RGS7: variants seen among roughly 807,000 people sequenced by gnomAD.
The protein encoded by RGS7 is regulator of G-protein signaling 7.
Under a neutral mutation model 81.1 loss-of-function variants are expected in RGS7, and 27 were observed. The observed-to-expected ratio is 0.33, with a 90% CI of 0.25 to 0.46. RGS7 has a LOEUF of 0.46. Ranked by LOEUF, RGS7 falls within the 20% of genes least tolerant of loss-of-function variation. The pLI, the probability that RGS7 is intolerant of heterozygous loss-of-function variation, is 1.00. For missense variants in RGS7, 396 were observed against 607.4 expected, an observed-to-expected ratio of 0.65 and a Z score of 3.66; for synonymous variants, 208 against 207.7, an observed-to-expected ratio of 1.00 and a Z score of -0.01.
At chr1:240,970,658 G>A (rs543821216) in intron 4 of RGS7, among the ~76,000 whole-genome samples, 2 of 152,224 alleles carry the variant, frequency 1.3e-5, no homozygotes, top group African/African-American at 4.8e-5. Flanking sequence ...AGAGGCAAGA[G>A]GCCACCAAAA....
chr1:241,079,013 T>C (rs929830745), intron 3 of RGS7, among the ~76,000 whole-genome samples: 20 of 152,160 alleles, frequency 1.3e-4, no homozygotes, highest in African/African-American at 4.8e-4. Context: ...CGACAAAATT[T>C]AAATGGAGAG....
Position 240,868,205 on chromosome 1 carries a change from C to T in RGS7, c.609+382G>A, listed in dbSNP as rs940490520. 1.3e-5 allele frequency among the ~76,000 whole-genome samples: 2 copies of T among 150,110 alleles called. No individual in the cohort carries two copies. Among genetic ancestry groups the T allele is most frequent in the African/African-American group, 2.5e-5 (1 of 40,308 alleles). On this transcript the variant is annotated intron_variant, in intron 9 of 18. Coordinates refer to ENST00000440928, the MANE Select transcript of RGS7 (RefSeq NM_001364886.1). This position sits in a 1 kb window ranked among gnomAD's most constrained non-coding sequence, Gnocchi z 5.1. ...AGGAAGGAAGGAAGGAACGAAGGAA[C>T]GAAGGGAGGGAAGGAAAATCAGGGC...
intron 4 of RGS7, among the ~76,000 whole-genome samples, chr1:240,958,271 T>G (rs77493906): frequency 0.045 from 6,812 of 152,280 alleles, 172 homozygotes; most frequent in African/African-American, 0.07. Flanking sequence ...CCAGATACGA[T>G]GTCAGATTTT....
chr1:241,235,680 CTT>C (rs1330537413), intron 2 of RGS7, among the ~76,000 whole-genome samples: 1 of 26,636 alleles, frequency 3.8e-5, no homozygotes, highest in Non-Finnish European at 8.4e-5. Context: ...CTCTCTCTTT[CTT>C]TCTCTCTCTC....
chr1:241,194,596 G>GT (rs1215428526), intron 2 of RGS7, among the ~76,000 whole-genome samples: 2 of 152,142 alleles, frequency 1.3e-5, no homozygotes, highest in African/African-American at 2.4e-5. Context: ...CAAGGCTTTT[G>GT]TTCTTTAAAA....
At chr1:241,234,260 C>A (rs2075811207) in intron 2 of RGS7, among the ~76,000 whole-genome samples, 1 of 152,138 alleles carries the variant, frequency 6.6e-6, no homozygotes, top group East Asian at 1.9e-4. Context: ...GCAAAACCTG[C>A]CAGTTGTTTA....
At chr1:241,069,030 G>C (rs968589578) in intron 3 of RGS7, among the ~76,000 whole-genome samples, 1 of 152,046 alleles carries the variant, frequency 6.6e-6, no homozygotes, top group Non-Finnish European at 1.5e-5. Context: ...GCCATGACTG[G>C]AAGCTCCCTG....
At chr1:240,908,132 G>A (rs1447271228) in intron 6 of RGS7, among the ~76,000 whole-genome samples, 4 of 149,468 alleles carry the variant, frequency 2.7e-5, no homozygotes, top group Non-Finnish European at 4.4e-5. Flanking sequence ...CTCACTCGTA[G>A]GTGGGAACTG....
chr1:241,333,573 A>C (rs186080922), intron 2 of RGS7, among the ~76,000 whole-genome samples: 1 of 152,306 alleles, frequency 6.6e-6, no homozygotes, highest in Admixed American at 6.5e-5. Flanking sequence ...GAGGACTAAA[A>C]GGAAATAATA....
chr1:240,995,823 T>C (rs1007820271), intron 3 of RGS7, among the ~76,000 whole-genome samples: 3 of 152,016 alleles, frequency 2.0e-5, no homozygotes, highest in African/African-American at 7.2e-5. Context: ...CATTGATTTA[T>C]GCTCTTTATT....
intron 4 of RGS7, among the ~76,000 whole-genome samples, chr1:240,978,371 A>G (rs1322739544): frequency 1.3e-5 from 2 of 152,246 alleles, no homozygotes. Flanking sequence ...TCAATGAAAC[A>G]TAACTTACAA....
intron 3 of RGS7, among the ~76,000 whole-genome samples, chr1:241,041,677 A>G (rs2060625009): frequency 6.6e-6 from 1 of 152,116 alleles, no homozygotes; most frequent in African/African-American, 2.4e-5. Context: ...TCAGACCCCA[A>G]AGCAGACTTA....
At chr1:241,118,112 A>C (rs1305610933) in intron 2 of RGS7, among the ~76,000 whole-genome samples, 1 of 152,256 alleles carries the variant, frequency 6.6e-6, no homozygotes, top group East Asian at 1.9e-4. Context: ...ATTCCACTGA[A>C]TAAAAATTAA....
At chr1:241,307,586 A>G (rs2080252517) in intron 2 of RGS7, among the ~76,000 whole-genome samples, 2 of 152,222 alleles carry the variant, frequency 1.3e-5, no homozygotes, top group African/African-American at 4.8e-5. Context: ...GGTAAAGAGA[A>G]GATAAAAAGA....
At chr1:240,853,667 A>G (rs942529290) in intron 9 of RGS7, among the ~76,000 whole-genome samples, 1 of 152,086 alleles carries the variant, frequency 6.6e-6, no homozygotes, top group Non-Finnish European at 1.5e-5. Flanking sequence ...GCACTTTGGG[A>G]GGCCGAGGCG....
chr1:240,775,852 A>G lies in RGS7; in HGVS notation c.*368T>C, dbSNP rs16840577. ...GAATTTTCAGTGAACTGTGTGTCTA[A>G]CTGAAGCTTTGAGAGAGAGAGAGAG... On this transcript the variant is annotated 3_prime_UTR_variant, in exon 19 of 19. Coordinates refer to ENST00000440928, the MANE Select transcript of RGS7 (RefSeq NM_001364886.1). The G allele has an allele frequency of 0.14, 46,305 of 320,916 alleles. 4,459 individuals carry two copies. The highest frequency in any genetic ancestry group is 0.33 in the African/African-American group (15,748 of 47,600). The allele number at this position is 320,916 out of a possible 1,614,324, so 19.9% of individuals were successfully genotyped here. A position where few individuals can be genotyped will look rare whatever the true frequency, so the allele number is the denominator to read the frequency against.
chr1:241,041,515 C>T (rs1323487387), intron 3 of RGS7, among the ~76,000 whole-genome samples: 2 of 152,088 alleles, frequency 1.3e-5, no homozygotes, highest in Non-Finnish European at 2.9e-5. Context: ...CCTGTCTCTA[C>T]CTTGACAGTA....
chr1:241,321,320 T>C (rs1009259327), intron 2 of RGS7, among the ~76,000 whole-genome samples: 1 of 152,106 alleles, frequency 6.6e-6, no homozygotes, highest in African/African-American at 2.4e-5. Context: ...AATAAAATGG[T>C]CTCTCTACAG....
chr1:240,898,184 T>G (rs1482901186), intron 6 of RGS7, among the ~76,000 whole-genome samples: 1 of 152,228 alleles, frequency 6.6e-6, no homozygotes, highest in African/African-American at 2.4e-5. Context: ...TTCTTCTTGA[T>G]TAGTCTTGCT....
Sources: allele counts gnomAD v4.1 joint callset (sites outside exome capture counted in the v4.1 genomes callset), GRCh38; gene constraint gnomAD v4.1.1; non-coding constraint Gnocchi (gnomAD v3.1); transcripts MANE v1.5; gene names NCBI Gene and HGNC (gene_info 2026-07-23, HGNC 2026-07-21).